EXD1: variants seen among roughly 807,000 people sequenced by gnomAD.
EXD1 encodes piRNA biogenesis protein EXD1.
In EXD1, 63 loss-of-function variants were observed where a neutral mutation model predicts 49.1. That is an observed-to-expected ratio of 1.28 (90% confidence interval 1.05 to 1.58). The LOEUF (loss-of-function observed/expected upper bound fraction) is 1.58, where lower values mean the gene tolerates loss of function less well. EXD1 is among the 40% of genes most tolerant of loss of function. The pLI is 0.00. For missense variants in EXD1, 748 were observed against 666.0 expected, an observed-to-expected ratio of 1.12 and a Z score of -1.36; for synonymous variants, 234 against 239.2, an observed-to-expected ratio of 0.98 and a Z score of 0.20.
rs1415716833 is a variant in EXD1, at chr15:41,196,040, A to G, written c.535-3T>C. The G allele has an allele frequency of 1.2e-6, 2 of 1,606,906 alleles. No individual in the cohort carries two copies. Among genetic ancestry groups the G allele is most frequent in the Non-Finnish European group, 1.7e-6 (2 of 1,176,894 alleles). ...TAAACTCGGCAATTTGTGGCCACCT[A>G]CAATAGACCATCCAGACACACATAC... On this transcript the variant is annotated splice_region_variant and splice_polypyrimidine_tract_variant and intron_variant, in intron 7 of 11. Transcript: ENST00000458580.
At chr15:41,227,551 C>A (rs929509004) in intron 1 of EXD1, among the ~76,000 whole-genome samples, 2 of 151,496 alleles carry the variant, frequency 1.3e-5, no homozygotes, top group African/African-American at 4.9e-5. Flanking sequence ...TGCCTGTAAT[C>A]CCAGCTATTC....
At chr15:41,185,239 C>A (rs1334993523) in intron 11 of EXD1, among the ~76,000 whole-genome samples, 1 of 149,886 alleles carries the variant, frequency 6.7e-6, no homozygotes, top group Non-Finnish European at 1.5e-5. Context: ...CAAAGATAGT[C>A]TACTCATGTA....
chr15:41,227,342 C>T (rs767272305), intron 1 of EXD1, among the ~76,000 whole-genome samples: 3 of 151,992 alleles, frequency 2.0e-5, no homozygotes, highest in Non-Finnish European at 4.4e-5. Context: ...ATTTTCTGTC[C>T]TATGACAGTT....
intron 7 of EXD1, among the ~76,000 whole-genome samples, chr15:41,201,115 C>G (rs1424523600): frequency 6.6e-6 from 1 of 152,068 alleles, no homozygotes; most frequent in Non-Finnish European, 1.5e-5. Context: ...CTCAGGTGAT[C>G]TGCCTGCCTC....
At chr15:41,191,703 G>T in intron 9 of EXD1, 118 bp from the exon 10 acceptor site, 1 of 894,976 alleles carries the variant, frequency 1.1e-6, no homozygotes. Context: ...CCACACGATA[G>T]ACCATGTCAT....
rs1160746763 is a variant in EXD1, at chr15:41,183,459, G to C, written c.*472C>G. 6.7e-6 allele frequency: 1 copy of C among 148,194 alleles called. No homozygotes were observed. The highest frequency in any genetic ancestry group is 1.5e-5 in the Non-Finnish European group (1 of 67,352). The allele number at this position is 148,194 out of a possible 1,614,324, so 9.2% of individuals were successfully genotyped here. Reference sequence around the variant, plus strand: ...GTGTAGCCCTGCTCCACAAGGAGCGGTAAAAAAAAATAAATAAAACAAATA... The same window carrying C: ...GTGTAGCCCTGCTCCACAAGGAGCGCTAAAAAAAAATAAATAAAACAAATA... On this transcript the variant is annotated 3_prime_UTR_variant, in exon 12 of 12. Coordinates refer to ENST00000458580, the MANE Select transcript of EXD1 (RefSeq NM_001286441.2).
chr15:41,217,441 G>A (rs1333186509), intron 3 of EXD1, among the ~76,000 whole-genome samples: 6 of 151,748 alleles, frequency 4.0e-5, no homozygotes, highest in Admixed American at 2.6e-4. Flanking sequence ...GTACCTTTGT[G>A]GTCATTCAAG....
At chr15:41,221,806 G>A (rs1403324809) in intron 2 of EXD1, among the ~76,000 whole-genome samples, 1 of 151,802 alleles carries the variant, frequency 6.6e-6, no homozygotes, top group East Asian at 1.9e-4. Flanking sequence ...TTTCAACTAA[G>A]AACAGACTTA....
At chr15:41,201,852 A>C (rs1473083921) in intron 7 of EXD1, among the ~76,000 whole-genome samples, 1 of 152,086 alleles carries the variant, frequency 6.6e-6, no homozygotes, top group Non-Finnish European at 1.5e-5. Context: ...AAGAGAGTAA[A>C]GACAAAAAAC....
chr15:41,226,733 A>G (rs2047169772), intron 1 of EXD1, 105 bp from the exon 2 acceptor site: 2 of 943,750 alleles, frequency 2.1e-6, no homozygotes, highest in South Asian at 4.7e-5. Context: ...AATCTGAATA[A>G]TTCAGTTTTG....
chr15:41,230,480 A>G lies in EXD1; in HGVS notation c.-55T>C, dbSNP rs112700219. 150 of 1,613,750 alleles carry G rather than the reference A, an allele frequency of 9.3e-5. 1 individual carries two copies. The African/African-American group carries it at 1.4e-3, about 15-fold the overall frequency. On this transcript the variant is annotated splice_region_variant and 5_prime_UTR_variant, in exon 1 of 12. An upstream start codon of the reference 5' UTR is lost. Coordinates refer to ENST00000458580, the MANE Select transcript of EXD1 (RefSeq NM_001286441.2). Reference sequence around the variant, plus strand: ...AGGAACTTCAAATAAATGGCGGACCATAAGCTAGGAATTCACTGTCCTCCA... The same window carrying G: ...AGGAACTTCAAATAAATGGCGGACCGTAAGCTAGGAATTCACTGTCCTCCA...
At position 41,230,587 on chromosome 15, in the gene EXD1, G is replaced by C; in HGVS notation, c.-162C>G. ...CAAGTGGTGCGTTCCTCGAACTTCAGTCTAGAACTAAAAGAAGAGGGGCTG... is the reference window on the plus strand; with the variant it reads ...CAAGTGGTGCGTTCCTCGAACTTCACTCTAGAACTAAAAGAAGAGGGGCTG... On this transcript the variant is annotated 5_prime_UTR_variant, in exon 1 of 12. Coordinates refer to ENST00000458580, the MANE Select transcript of EXD1 (RefSeq NM_001286441.2). 6.2e-7 allele frequency: 1 copy of C among 1,603,188 alleles called. No homozygotes were observed. The highest frequency in any genetic ancestry group is 8.5e-7 in the Non-Finnish European group (1 of 1,171,462).
At chr15:41,226,705 T>C in intron 1 of EXD1, 77 bp from the exon 2 acceptor site, 2 of 1,130,458 alleles carry the variant, frequency 1.8e-6, no homozygotes, top group South Asian at 3.7e-5. Context: ...TCCCCATATC[T>C]GTAATGGACA....
chr15:41,230,716 C>A lies in EXD1; in HGVS notation c.-291G>T, dbSNP rs1357028230. On this transcript the variant is annotated 5_prime_UTR_variant, in exon 1 of 12. Transcript: ENST00000458580. ...GGTCCGCGACGCCGGGGACACACGC[C>A]GCAGAGGCGACGCCCGCCCGGCCCA... 1.2e-5 allele frequency: 8 copies of A among 675,452 alleles called. No homozygotes were observed. The East Asian group carries it at 2.3e-4, about 19-fold the overall frequency. 41.8% of individuals were successfully genotyped at this position (675,452 alleles called of 1,614,324 possible). A position where few individuals can be genotyped will look rare whatever the true frequency, so the allele number is the denominator to read the frequency against.
At chr15:41,186,305 CT>C (rs2046407003) in intron 11 of EXD1, among the ~76,000 whole-genome samples, 1 of 151,870 alleles carries the variant, frequency 6.6e-6, no homozygotes, top group Admixed American at 6.6e-5. Flanking sequence ...AACCCCATCT[CT>C]ACTAAAAATA....
rs199676061 is a variant in EXD1, at chr15:41,184,090, T to C, written c.1560A>G (p.Thr520=). The C allele has an allele frequency of 7.4e-6, 12 of 1,614,244 alleles. No homozygotes were observed. The East Asian group carries it at 2.2e-4, about 30-fold the overall frequency. The change falls in exon 12 of 12, where the codon ACA becomes ACG. Residue 520 remains threonine, a synonymous_variant. Transcript: ENST00000458580. The part of the protein sequence containing the change: ...MVENKEDLKC[T]KQAVSMSSFP... ...AGGAAGACATTGAAACAGCCTGTTTTGTGCATTTTAAATCTTCCTTGTTTT... is the reference window on the plus strand; with the variant it reads ...AGGAAGACATTGAAACAGCCTGTTTCGTGCATTTTAAATCTTCCTTGTTTT...
chr15:41,190,629 AGTGT>A (rs984126239), intron 10 of EXD1, among the ~76,000 whole-genome samples: 9 of 152,230 alleles, frequency 5.9e-5, no homozygotes, highest in African/African-American at 2.2e-4. Context: ...CTACATTAAC[AGTGT>A]GTGTGTAACA....
intron 4 of EXD1, 78 bp from the exon 5 acceptor site, chr15:41,216,873 A>T: frequency 6.3e-7 from 1 of 1,577,328 alleles, no homozygotes; most frequent in South Asian, 1.2e-5. Flanking sequence ...CCACACATTA[A>T]CGTTAAGGAC....
intron 2 of EXD1, among the ~76,000 whole-genome samples, chr15:41,224,840 G>A (rs950063295): frequency 6.6e-6 from 1 of 152,116 alleles, no homozygotes; most frequent in Non-Finnish European, 1.5e-5. Context: ...TTACATAAGT[G>A]TAGTCCCAGC....
Sources: gnomAD v4.1 joint callset for allele counts (sites outside exome capture counted in the v4.1 genomes callset) on GRCh38, gnomAD v4.1.1 for gene constraint, MANE v1.5 for transcripts, NCBI Gene and HGNC (gene_info 2026-07-23, HGNC 2026-07-21) for gene names.